Variants in AKAP13 observed in about 807,000 individuals in gnomAD.
AKAP13 encodes A-kinase anchoring protein 13.
Under a neutral mutation model 264.5 loss-of-function variants are expected in AKAP13, and 80 were observed. That is an observed-to-expected ratio of 0.30 (90% confidence interval 0.25 to 0.36). The LOEUF is 0.36. Ranked by LOEUF, AKAP13 falls within the 10% of genes least tolerant of loss-of-function variation. The pLI is 1.00. For missense variants in AKAP13, 3,712 were observed against 3,435.2 expected, an observed-to-expected ratio of 1.08 and a Z score of -2.01; for synonymous variants, 1,380 against 1,250.2, an observed-to-expected ratio of 1.10 and a Z score of -2.19.
At chr15:85,645,709 G>C (rs984334582) in intron 9 of AKAP13, 109 bp from the exon 10 acceptor site, 2 of 1,160,288 alleles carry the variant, frequency 1.7e-6, no homozygotes, top group Non-Finnish European at 2.4e-6. Flanking sequence ...AAGAGTGAGA[G>C]AGAGATTTAA....
intron 8 of AKAP13, among the ~76,000 whole-genome samples, chr15:85,636,688 C>A (rs918893036): frequency 6.6e-6 from 1 of 151,640 alleles, no homozygotes; most frequent in Non-Finnish European, 1.5e-5. Context: ...AATCACGGCT[C>A]GCTGCAACCT....
At chr15:85,653,100 C>A (rs1364266052) in intron 10 of AKAP13, among the ~76,000 whole-genome samples, 1 of 152,160 alleles carries the variant, frequency 6.6e-6, no homozygotes, top group African/African-American at 2.4e-5. Context: ...GTGAATAGGA[C>A]CCCTTTAGGA....
chr15:85,578,943 A>C lies in AKAP13; in HGVS notation c.875A>C (p.Lys292Thr). The change falls in exon 7 of 37, where the codon AAG (lysine) becomes ACG (threonine). Residue 292 changes from lysine (K) to threonine (T), a missense_variant. Physicochemically the swap from Lys to Thr is moderately conservative, Grantham distance 78 (BLOSUM62 -1). Transcript: ENST00000394518. ...IQQQLMKTNL[K>T]QMDSLMPLMM... ...ATTTCCTCCTAGAAAACAAACCTCA[A>C]GCAGATGGACAGTCTTATGCCCTTA... 1 of 1,607,628 alleles carries C rather than the reference A, an allele frequency of 6.2e-7. No homozygotes were observed. Among genetic ancestry groups the C allele is most frequent in the Non-Finnish European group, 8.5e-7 (1 of 1,175,012 alleles).
At chr15:85,418,926 A>G (rs1187685083) in intron 1 of AKAP13, among the ~76,000 whole-genome samples, 1 of 152,256 alleles carries the variant, frequency 6.6e-6, no homozygotes, top group Non-Finnish European at 1.5e-5. Flanking sequence ...AATTAAATTC[A>G]GCAGTCTGCT....
intron 3 of AKAP13, among the ~76,000 whole-genome samples, chr15:85,528,690 T>A (rs1309420066): frequency 6.6e-6 from 1 of 152,122 alleles, no homozygotes; most frequent in Non-Finnish European, 1.5e-5. Context: ...TTGATGAGGA[T>A]CCCTACAGTT....
chr15:85,549,475 TGC>T (rs1458910836), intron 5 of AKAP13, among the ~76,000 whole-genome samples: 1 of 152,238 alleles, frequency 6.6e-6, no homozygotes, highest in Non-Finnish European at 1.5e-5. Context: ...ATTTATTGAA[TGC>T]CTATACTGCA....
At chr15:85,511,672 A>G (rs746281945) in intron 2 of AKAP13, among the ~76,000 whole-genome samples, 2 of 152,168 alleles carry the variant, frequency 1.3e-5, no homozygotes, top group African/African-American at 4.8e-5. Context: ...GCCCTGTCCC[A>G]GGCTGGAGTG....
intron 26 of AKAP13, among the ~76,000 whole-genome samples, chr15:85,725,179 G>A (rs2087541613): frequency 6.6e-6 from 1 of 152,172 alleles, no homozygotes; most frequent in South Asian, 2.1e-4. Context: ...CAGAACGATA[G>A]GTTTTCTGGC....
Position 85,718,216 on chromosome 15 carries a change from A to G in AKAP13, c.6001+57A>G. 6.3e-7 allele frequency: 1 copy of G among 1,586,818 alleles called. No individual in the cohort carries two copies. The highest frequency in any genetic ancestry group is 1.4e-5 in the African/African-American group (1 of 73,772). On this transcript the variant is annotated intron_variant, in intron 22 of 36. Transcript: ENST00000394518. The surrounding 1 kb of genome is among the most constrained non-coding windows in gnomAD (Gnocchi z 4.9). ...TGATTTCCATTGTCCAGCATTTTTA[A>G]GCAGTAATTTGTTGGACTATGAAAA...
chr15:85,548,972 TAAAC>T (rs1468388612), intron 5 of AKAP13, among the ~76,000 whole-genome samples: 1 of 148,002 alleles, frequency 6.8e-6, no homozygotes, highest in Admixed American at 6.9e-5. Flanking sequence ...CTTTGAGAAA[TAAAC>T]AATTCATGTA....
chr15:85,450,839 G>A (rs756162525), intron 1 of AKAP13, among the ~76,000 whole-genome samples: 2 of 152,124 alleles, frequency 1.3e-5, no homozygotes, highest in African/African-American at 2.4e-5. Flanking sequence ...TGTTGCTTTT[G>A]GTTGGAGACT....
chr15:85,472,843 A>C (rs1567075149), intron 1 of AKAP13, among the ~76,000 whole-genome samples: 1 of 152,238 alleles, frequency 6.6e-6, no homozygotes, highest in African/African-American at 2.4e-5. Flanking sequence ...CACTTATATA[A>C]CAGAAATGCA....
chr15:85,497,854 A>C (rs1346679616), intron 2 of AKAP13, among the ~76,000 whole-genome samples: 4 of 152,132 alleles, frequency 2.6e-5, no homozygotes, highest in African/African-American at 7.2e-5. Context: ...TGACCAGGCA[A>C]ATAGTAGCAT....
At chr15:85,662,280 A>G in intron 12 of AKAP13, 1 of 1,103,366 alleles carries the variant, frequency 9.1e-7, no homozygotes, top group Non-Finnish European at 1.4e-6. Context: ...TTGATCGCAT[A>G]AATCCGTCTG....
At chr15:85,740,126 C>T (rs1293028915) in intron 33 of AKAP13, 96 bp from the exon 34 acceptor site, 5 of 1,284,760 alleles carry the variant, frequency 3.9e-6, no homozygotes, top group Non-Finnish European at 4.5e-6. Context: ...TTAGTTGTAT[C>T]TTAAAGGAGC....
chr15:85,504,983 T>TGC (rs1484050612), intron 2 of AKAP13, among the ~76,000 whole-genome samples: 2 of 152,188 alleles, frequency 1.3e-5, no homozygotes, highest in Admixed American at 6.5e-5. Flanking sequence ...TGTGTGTGTG[T>TGC]GCGCACATGT....
At chr15:85,681,041 C>T (rs909703089) in intron 14 of AKAP13, among the ~76,000 whole-genome samples, 1 of 152,204 alleles carries the variant, frequency 6.6e-6, no homozygotes, top group Non-Finnish European at 1.5e-5. Context: ...TGGTCTTAAA[C>T]TCCTGACCTC....
Position 85,601,608 on chromosome 15 carries a change from T to TG in AKAP13, c.4161+15785_4161+15786insG, listed in dbSNP as rs2080075703. Among the ~76,000 whole-genome samples, 780 of 132,082 alleles carry TG rather than the reference T, an allele frequency of 5.9e-3. 10 individuals carry two copies. Among genetic ancestry groups the TG allele is most frequent in the African/African-American group, 0.02 (713 of 35,116 alleles). The allele number at this position is 132,082 out of a possible 152,430, so 86.7% of individuals were successfully genotyped here. A position where few individuals can be genotyped will look rare whatever the true frequency, so the allele number is the denominator to read the frequency against. On this transcript the variant is annotated intron_variant, in intron 8 of 36. Coordinates refer to ENST00000394518, the MANE Select transcript of AKAP13 (RefSeq NM_007200.5). ...TCTCATCTTCTCTCACCTGAATTCT[T>TG]TGTGTGTGTGTGTGTGTGTGTGTGT...
At chr15:85,607,271 A>C (rs2080394103) in intron 8 of AKAP13, among the ~76,000 whole-genome samples, 1 of 152,172 alleles carries the variant, frequency 6.6e-6, no homozygotes, top group Non-Finnish European at 1.5e-5. Context: ...ATGGTACAAA[A>C]TAGATCCAGA....
Sources: allele counts gnomAD v4.1 joint callset (sites outside exome capture counted in the v4.1 genomes callset), GRCh38; gene constraint gnomAD v4.1.1; non-coding constraint Gnocchi (gnomAD v3.1); transcripts MANE v1.5; gene names NCBI Gene and HGNC (gene_info 2026-07-23, HGNC 2026-07-21).